HTR1E: variants seen among roughly 807,000 people sequenced by gnomAD.
The protein encoded by HTR1E is 5-hydroxytryptamine receptor 1E, also known as 5-HT-1E.
Under a neutral mutation model 3.4 loss-of-function variants are expected in HTR1E, and 3 were observed. The ratio of observed to expected loss-of-function variants is 0.89; its 90% CI spans 0.41 to 2.31. HTR1E has a LOEUF of 2.31. HTR1E is among the 30% of genes most tolerant of loss of function. The pLI is 0.05. For missense variants in HTR1E, 392 were observed against 467.0 expected, an observed-to-expected ratio of 0.84 and a Z score of 1.48; for synonymous variants, 170 against 182.8, an observed-to-expected ratio of 0.93 and a Z score of 0.56.
In HTR1E at chr6:87,000,012, G is replaced by A. The variant is rs186155619; in HGVS notation, c.-185-15138G>A. ...CCTAACTTGCTTCTTCAGATGGGCT[G>A]GGGTGCTGCTCATGACACGGAAGAC... On this transcript the variant is annotated intron_variant, in intron 1 of 1. Coordinates refer to ENST00000305344, the MANE Select transcript of HTR1E (RefSeq NM_000865.3). 136 of 159,174 alleles carry A rather than the reference G, an allele frequency of 8.5e-4. 1 individual carries two copies. Among genetic ancestry groups the A allele is most frequent in the Middle Eastern group, 7.6e-3 (14 of 1,854 alleles). 9.9% of individuals were successfully genotyped at this position (159,174 alleles called of 1,614,324 possible). A position where few individuals can be genotyped will look rare whatever the true frequency, so the allele number is the denominator to read the frequency against.
intron 1 of HTR1E, among the ~76,000 whole-genome samples, chr6:86,960,613 A>G (rs190520990): frequency 1.2e-4 from 18 of 152,310 alleles, no homozygotes; most frequent in Admixed American, 1.2e-3. Context: ...GGGGAAGTGA[A>G]TCAGGAGCAA....
intron 1 of HTR1E, among the ~76,000 whole-genome samples, chr6:86,981,161 A>G (rs1767706720): frequency 1.3e-5 from 2 of 152,224 alleles, no homozygotes; most frequent in Non-Finnish European, 2.9e-5. Context: ...CACCGACTTT[A>G]AGTTCTGTGG....
intron 1 of HTR1E, among the ~76,000 whole-genome samples, chr6:86,984,253 C>G (rs1767752107): frequency 1.3e-5 from 2 of 152,078 alleles, no homozygotes; most frequent in Non-Finnish European, 2.9e-5. Context: ...TATATTTTAC[C>G]TGTGTGTAAA....
At chr6:86,951,718 CTT>C (rs1327239296) in intron 1 of HTR1E, among the ~76,000 whole-genome samples, 1 of 152,086 alleles carries the variant, frequency 6.6e-6, no homozygotes, top group Non-Finnish European at 1.5e-5. Context: ...ATATTCGAAA[CTT>C]AATTCACTAA....
chr6:87,010,753 G>A (rs1007426264), intron 1 of HTR1E, among the ~76,000 whole-genome samples: 2 of 150,930 alleles, frequency 1.3e-5, no homozygotes, highest in East Asian at 2.0e-4. Flanking sequence ...GGTGGCGGCC[G>A]GGCAGAGGCT....
chr6:86,954,770 A>C (rs902370808), intron 1 of HTR1E, among the ~76,000 whole-genome samples: 1 of 152,050 alleles, frequency 6.6e-6, no homozygotes, highest in East Asian at 1.9e-4. Context: ...ATTTTCTTCT[A>C]TTTTTTTCTG....
At chr6:86,977,240 G>A (rs1215862191) in intron 1 of HTR1E, among the ~76,000 whole-genome samples, 2 of 152,062 alleles carry the variant, frequency 1.3e-5, no homozygotes, top group South Asian at 2.1e-4. Flanking sequence ...GTTTGTGTCC[G>A]TGGGTACTCA....
At position 87,004,900 on chromosome 6, in the gene HTR1E, A is replaced by G. The variant is rs141311753; in HGVS notation, c.-185-10250A>G. Among the ~76,000 whole-genome samples, 1,225 of 152,322 alleles carry G rather than the reference A, an allele frequency of 8.0e-3. 18 individuals carry two copies. Among genetic ancestry groups the G allele is most frequent in the African/African-American group, 0.028 (1,161 of 41,578 alleles). ...ACACAAATACAATCAAGTCAAGGAT[A>G]CAAAATCAACAAATAAAAATCAGTA... On this transcript the variant is annotated intron_variant, in intron 1 of 1. Coordinates refer to ENST00000305344, the MANE Select transcript of HTR1E (RefSeq NM_000865.3).
At chr6:86,980,480 A>G (rs1767696987) in intron 1 of HTR1E, among the ~76,000 whole-genome samples, 1 of 152,128 alleles carries the variant, frequency 6.6e-6, no homozygotes, top group South Asian at 2.1e-4. Flanking sequence ...CAACTCAGAC[A>G]CGGCCCATAT....
intron 1 of HTR1E, among the ~76,000 whole-genome samples, chr6:87,014,827 A>G (rs1359849697): frequency 6.6e-6 from 1 of 152,114 alleles, no homozygotes; most frequent in East Asian, 1.9e-4. Context: ...TAGGGGAGGG[A>G]TGGCATTAGG....
chr6:87,013,953 C>T (rs1229636888), intron 1 of HTR1E, among the ~76,000 whole-genome samples: 4 of 152,148 alleles, frequency 2.6e-5, no homozygotes, highest in East Asian at 3.9e-4. Flanking sequence ...TACCATTTCA[C>T]GCCAGTTAGA....
At chr6:86,966,856 T>G (rs1319767464) in intron 1 of HTR1E, among the ~76,000 whole-genome samples, 1 of 152,230 alleles carries the variant, frequency 6.6e-6, no homozygotes, top group Non-Finnish European at 1.5e-5. Context: ...CATGGACATA[T>G]TCTTAAAAGA....
Position 86,995,678 on chromosome 6 carries a change from AAAAAAAAAAGAAAAAAAAAAAAAAAAG to A in HTR1E, c.-185-19467_-185-19441del, listed in dbSNP as rs1428390782. On this transcript the variant is annotated intron_variant, in intron 1 of 1. Transcript: ENST00000305344. ...GAGACTCCATCTCAAAAAAAAAAAAAAAAAAAAAAGAAAAAAAAAAAAAAAAGAAAACATGACCCAACTATATGCTGT... is the reference window on the plus strand; with the variant it reads ...GAGACTCCATCTCAAAAAAAAAAAAAAAAACATGACCCAACTATATGCTGT... Among the ~76,000 whole-genome samples, 28 of 63,968 alleles carry A rather than the reference AAAAAAAAAAGAAAAAAAAAAAAAAAAG, an allele frequency of 4.4e-4. No individual in the cohort carries two copies. The Admixed American group carries it at 4.9e-3, about 11-fold the overall frequency. 42.0% of individuals were successfully genotyped at this position (63,968 alleles called of 152,430 possible). A position where few individuals can be genotyped will look rare whatever the true frequency, so the allele number is the denominator to read the frequency against.
At chr6:86,945,405 C>A (rs56408062) in intron 1 of HTR1E, among the ~76,000 whole-genome samples, 2,127 of 152,118 alleles carry the variant, frequency 0.014, 27 homozygotes, top group South Asian at 0.048. Context: ...CCATGCCCAG[C>A]TAATTTTTTG....
chr6:86,996,934 T>C (rs139245391), intron 1 of HTR1E, among the ~76,000 whole-genome samples: 1 of 152,072 alleles, frequency 6.6e-6, no homozygotes, highest in Non-Finnish European at 1.5e-5. Flanking sequence ...TAGAGATCAA[T>C]ATCTTCCATG....
chr6:87,003,727 A>C lies in HTR1E; in HGVS notation c.-185-11423A>C, dbSNP rs1768058303. Among the ~76,000 whole-genome samples, 5 of 152,144 alleles carry C rather than the reference A, an allele frequency of 3.3e-5. No individual in the cohort carries two copies. In the South Asian group the frequency reaches 1.0e-3, roughly 31 times the overall value. ...TTATACAACTAGAAAAGCAAAAGCAAACCAAACTCAAAATTATTAGGAAAA... is the reference window on the plus strand; with the variant it reads ...TTATACAACTAGAAAAGCAAAAGCACACCAAACTCAAAATTATTAGGAAAA... On this transcript the variant is annotated intron_variant, in intron 1 of 1. Coordinates refer to ENST00000305344, the MANE Select transcript of HTR1E (RefSeq NM_000865.3).
chr6:87,016,458 T>C lies in HTR1E; in HGVS notation c.*26T>C, dbSNP rs760222052. 1.3e-6 allele frequency: 2 copies of C among 1,552,682 alleles called. No individual in the cohort carries two copies. The highest frequency in any genetic ancestry group is 2.7e-5 in the African/African-American group (2 of 72,896). On this transcript the variant is annotated 3_prime_UTR_variant, in exon 2 of 2. Coordinates refer to ENST00000305344, the MANE Select transcript of HTR1E (RefSeq NM_000865.3). ...ACTGTAAAAAGCTAAAAGGCACGAC[T>C]TTTTCCAGAGCCTCATGAGTGGATG...
intron 1 of HTR1E, among the ~76,000 whole-genome samples, chr6:86,946,196 C>T (rs538412781): frequency 7.9e-5 from 12 of 152,284 alleles, no homozygotes; most frequent in African/African-American, 2.2e-4. Flanking sequence ...CCTTCATATT[C>T]GCTCAACACT....
At chr6:86,961,155 CT>C (rs1562061736) in intron 1 of HTR1E, among the ~76,000 whole-genome samples, 1 of 152,014 alleles carries the variant, frequency 6.6e-6, no homozygotes, top group Non-Finnish European at 1.5e-5. Flanking sequence ...GTCAGTTTTT[CT>C]TTTTTGATAT....
Sources: gnomAD v4.1 joint callset for allele counts (sites outside exome capture counted in the v4.1 genomes callset) on GRCh38, gnomAD v4.1.1 for gene constraint, MANE v1.5 for transcripts, NCBI Gene and HGNC (gene_info 2026-07-23, HGNC 2026-07-21) for gene names.